CNTLN: variants seen among roughly 807,000 people sequenced by gnomAD.
CNTLN encodes the protein centlein, also known as centlein, centrosomal protein.
In CNTLN, 212 loss-of-function variants were observed where a neutral mutation model predicts 180.0. That is an observed-to-expected ratio of 1.18 (90% CI 1.05 to 1.32). The LOEUF (loss-of-function observed/expected upper bound fraction) is 1.32, where lower values mean the gene tolerates loss of function less well. CNTLN is among the 40% of genes most tolerant of loss of function. The pLI is 0.00. For missense variants in CNTLN, 2,095 were observed against 1,610.9 expected, an observed-to-expected ratio of 1.30 and a Z score of -5.14; for synonymous variants, 722 against 563.1, an observed-to-expected ratio of 1.28 and a Z score of -3.99.
chr9:17,164,334 G>C (rs1290223267), intron 2 of CNTLN, among the ~76,000 whole-genome samples: 10 of 110,780 alleles, frequency 9.0e-5, no homozygotes, highest in Non-Finnish European at 1.5e-4. Context: ...AAAAAAAGTT[G>C]ATCTATTGAA....
At chr9:17,238,108 A>G (rs531825895) in intron 5 of CNTLN, among the ~76,000 whole-genome samples, 1 of 151,930 alleles carries the variant, frequency 6.6e-6, no homozygotes, top group Admixed American at 6.6e-5. Flanking sequence ...TTTTTTTCTC[A>G]TGGGGTTATT....
At chr9:17,461,136 A>G (rs1201026725) in intron 19 of CNTLN, among the ~76,000 whole-genome samples, 2 of 151,460 alleles carry the variant, frequency 1.3e-5, no homozygotes, top group Non-Finnish European at 3.0e-5. Flanking sequence ...ATAATATAAT[A>G]CATATTAGTA....
At chr9:17,228,147 C>A (rs766801702) in intron 3 of CNTLN, among the ~76,000 whole-genome samples, 46 of 152,042 alleles carry the variant, frequency 3.0e-4, no homozygotes, top group Non-Finnish European at 5.4e-4. Flanking sequence ...ATTAAGTTTG[C>A]AATGCTTTAG....
chr9:17,267,049 A>T (rs1275736255), intron 5 of CNTLN, among the ~76,000 whole-genome samples: 2 of 152,012 alleles, frequency 1.3e-5, no homozygotes, highest in African/African-American at 4.8e-5. Flanking sequence ...TTTAAAGTTA[A>T]TGTTGTTATG....
At chr9:17,327,423 A>G (rs1820376644) in intron 8 of CNTLN, among the ~76,000 whole-genome samples, 1 of 150,066 alleles carries the variant, frequency 6.7e-6, no homozygotes, top group African/African-American at 2.5e-5. Flanking sequence ...TGACCTCGTG[A>G]TCCGCTCTTC....
At chr9:17,240,342 AT>A (rs528494567) in intron 5 of CNTLN, among the ~76,000 whole-genome samples, 52 of 150,062 alleles carry the variant, frequency 3.5e-4, no homozygotes, top group Admixed American at 4.0e-4. Flanking sequence ...ACTAATTCTG[AT>A]TTTTTTTTTC....
intron 2 of CNTLN, among the ~76,000 whole-genome samples, chr9:17,200,767 C>T (rs1032310371): frequency 6.6e-6 from 1 of 152,104 alleles, no homozygotes; most frequent in Admixed American, 6.5e-5. Context: ...AATATACAAT[C>T]ATATCATCTG....
At chr9:17,420,027 G>T (rs1033616100) in intron 18 of CNTLN, among the ~76,000 whole-genome samples, 34 of 152,208 alleles carry the variant, frequency 2.2e-4, no homozygotes, top group African/African-American at 7.7e-4. Context: ...CAATTCTTCT[G>T]GCTCAGCCTC....
At chr9:17,234,097 A>G (rs1212710522) in intron 3 of CNTLN, among the ~76,000 whole-genome samples, 2 of 152,250 alleles carry the variant, frequency 1.3e-5, no homozygotes, top group South Asian at 2.1e-4. Context: ...GTATGTATTC[A>G]GCGTCTAAAT....
chr9:17,307,170 A>G (rs1472089975), intron 7 of CNTLN, among the ~76,000 whole-genome samples: 2 of 152,358 alleles, frequency 1.3e-5, no homozygotes, highest in East Asian at 1.9e-4. Flanking sequence ...AAATTTTTTT[A>G]TAAATCATAT....
intron 12 of CNTLN, among the ~76,000 whole-genome samples, chr9:17,354,363 C>T (rs1019009072): frequency 3.9e-5 from 6 of 152,214 alleles, no homozygotes; most frequent in Non-Finnish European, 8.8e-5. Flanking sequence ...CCTGCAGCCC[C>T]GGTGCGGGAT....
intron 8 of CNTLN, among the ~76,000 whole-genome samples, chr9:17,319,558 A>G (rs1819765839): frequency 6.6e-6 from 1 of 152,208 alleles, no homozygotes; most frequent in South Asian, 2.1e-4. Flanking sequence ...CATAGATTCT[A>G]GAGTCTGAAT....
intron 15 of CNTLN, among the ~76,000 whole-genome samples, chr9:17,401,218 C>G (rs1264776445): frequency 6.6e-6 from 1 of 152,058 alleles, no homozygotes; most frequent in East Asian, 1.9e-4. Flanking sequence ...TAGTAGAGTT[C>G]CTTTCATGTT....
chr9:17,285,518 C>T (rs1181239703), intron 6 of CNTLN, among the ~76,000 whole-genome samples: 1 of 139,020 alleles, frequency 7.2e-6, no homozygotes, highest in African/African-American at 3.0e-5. Context: ...GGGTATATAC[C>T]AAGTAATGGG....
Position 17,135,173 on chromosome 9 carries a change from C to T in CNTLN, c.108C>T (p.Ser36=), listed in dbSNP as rs755888419. 2.5e-6 allele frequency: 4 copies of T among 1,610,066 alleles called. No homozygotes were observed. The South Asian group carries it at 4.4e-5, about 18-fold the overall frequency. ...GAGCTGAAGTACACGCAATGCGCAGCGAGGCCTCGGGTTTTGCCGGCGCAG... is the reference window on the plus strand; with the variant it reads ...GAGCTGAAGTACACGCAATGCGCAGTGAGGCCTCGGGTTTTGCCGGCGCAG... ...GRGAEVHAMR[S]EASGFAGAAR... Residue 36 remains serine, a synonymous_variant, in exon 1 of 26, where the codon AGC becomes AGT. Coordinates refer to ENST00000380647, the MANE Select transcript of CNTLN (RefSeq NM_017738.4).
chr9:17,264,738 C>G (rs1482643420), intron 5 of CNTLN, among the ~76,000 whole-genome samples: 1 of 152,058 alleles, frequency 6.6e-6, no homozygotes, highest in Non-Finnish European at 1.5e-5. Context: ...TGTAGTTCTC[C>G]TTGAAGAGGT....
chr9:17,241,986 A>G (rs938058686), intron 5 of CNTLN, among the ~76,000 whole-genome samples: 3 of 152,182 alleles, frequency 2.0e-5, no homozygotes, highest in Admixed American at 1.3e-4. Flanking sequence ...AGATTATATC[A>G]TTGGCAAACA....
intron 5 of CNTLN, among the ~76,000 whole-genome samples, chr9:17,241,093 G>C (rs202053766): frequency 2.6e-5 from 4 of 152,014 alleles, no homozygotes; most frequent in Non-Finnish European, 5.9e-5. Context: ...CTCCTGACCT[G>C]GTGATCCGCC....
At chr9:17,328,576 T>C (rs775416118) in intron 8 of CNTLN, among the ~76,000 whole-genome samples, 2 of 152,152 alleles carry the variant, frequency 1.3e-5, no homozygotes, top group Non-Finnish European at 2.9e-5. Context: ...AAAACACTTC[T>C]TGTAAACATG....
Sources: allele counts gnomAD v4.1 joint callset (sites outside exome capture counted in the v4.1 genomes callset), GRCh38; gene constraint gnomAD v4.1.1; transcripts MANE v1.5; gene names NCBI Gene and HGNC (gene_info 2026-07-23, HGNC 2026-07-21).